Variants in HDDC2 observed in about 807,000 individuals in gnomAD.
The protein encoded by HDDC2 is 5'-deoxynucleotidase HDDC2.
Under a neutral mutation model 25.5 loss-of-function variants are expected in HDDC2, and 25 were observed. The ratio of observed to expected loss-of-function variants is 0.98; its 90% CI spans 0.72 to 1.37. The LOEUF (loss-of-function observed/expected upper bound fraction) is 1.37, where lower values mean the gene tolerates loss of function less well. Among genes scored for constraint, HDDC2 ranks in the 40% most tolerant of loss-of-function variants. The pLI, the probability that HDDC2 is intolerant of heterozygous loss-of-function variation, is 0.00. For missense variants in HDDC2, 264 were observed against 253.1 expected, an observed-to-expected ratio of 1.04 and a Z score of -0.29; for synonymous variants, 106 against 89.7, an observed-to-expected ratio of 1.18 and a Z score of -1.03.
At chr6:125,287,868 GC>G (rs1425650510) in intron 4 of HDDC2, among the ~76,000 whole-genome samples, 1 of 152,214 alleles carries the variant, frequency 6.6e-6, no homozygotes, top group Non-Finnish European at 1.5e-5. Flanking sequence ...AACACCTCAT[GC>G]CGCCACAGTG....
intron 4 of HDDC2, chr6:125,278,640 C>T (rs537943554): frequency 6.6e-6 from 1 of 152,274 alleles, no homozygotes; most frequent in African/African-American, 2.4e-5. Flanking sequence ...TTGCAAGTAG[C>T]TTTTAATGTC....
In HDDC2 at chr6:125,276,078, G is replaced by C. The variant is rs534117496; in HGVS notation, c.*68C>G. The C allele has an allele frequency of 6.2e-5, 74 of 1,190,208 alleles. No individual in the cohort carries two copies. The East Asian group carries it at 1.5e-3, about 24-fold the overall frequency. 73.7% of individuals were successfully genotyped at this position (1,190,208 alleles called of 1,614,324 possible). ...TAGGGAAATCAACAGACCAACAATG[G>C]CAAAACACAATACAATGAAATGGAA... On this transcript the variant is annotated 3_prime_UTR_variant, in exon 6 of 6. Coordinates refer to ENST00000398153, the MANE Select transcript of HDDC2 (RefSeq NM_016063.3).
intron 3 of HDDC2, among the ~76,000 whole-genome samples, chr6:125,294,454 A>G (rs2115115069): frequency 6.6e-6 from 1 of 152,366 alleles, no homozygotes; most frequent in African/African-American, 2.4e-5. Context: ...CTTATGTTGT[A>G]CATGCATTCT....
At chr6:125,288,913 GT>G (rs1441209160) in intron 4 of HDDC2, among the ~76,000 whole-genome samples, 1 of 130,702 alleles carries the variant, frequency 7.7e-6, no homozygotes, top group Non-Finnish European at 1.6e-5. Flanking sequence ...CATTGTGGAA[GT>G]CAGTGTGGCC....
rs368162595 is a variant in HDDC2, at chr6:125,301,292, T to G, written c.84+557A>C. Among the ~76,000 whole-genome samples the G allele has an allele frequency of 2.8e-4, 43 of 152,286 alleles. No homozygotes were observed. The East Asian group carries it at 6.0e-3, about 21-fold the overall frequency. Reference sequence around the variant, plus strand: ...GAAGACGCACATGATGAAACTCGTGTGTATTACATTAAATCCCGTTTGGGG... The same window carrying G: ...GAAGACGCACATGATGAAACTCGTGGGTATTACATTAAATCCCGTTTGGGG... On this transcript the variant is annotated intron_variant, in intron 1 of 5. Transcript: ENST00000398153.
chr6:125,300,876 T>G (rs532711629), intron 1 of HDDC2, among the ~76,000 whole-genome samples: 8 of 149,902 alleles, frequency 5.3e-5, no homozygotes, highest in African/African-American at 1.8e-4. Flanking sequence ...CAGAGAGAGA[T>G]AAGTCACAAA....
At chr6:125,285,328 A>G (rs545856534) in intron 4 of HDDC2, among the ~76,000 whole-genome samples, 2 of 152,256 alleles carry the variant, frequency 1.3e-5, no homozygotes, top group African/African-American at 4.8e-5. Flanking sequence ...AAGAAAAGAA[A>G]ATGATATAAG....
At chr6:125,280,722 G>A (rs887940668) in intron 4 of HDDC2, among the ~76,000 whole-genome samples, 3 of 152,248 alleles carry the variant, frequency 2.0e-5, no homozygotes, top group Non-Finnish European at 2.9e-5. Context: ...CTAATCAGGG[G>A]CTTATAGATA....
At chr6:125,298,527 C>A (rs1046162661) in intron 3 of HDDC2, 187 bp downstream of exon 3, 3 of 602,564 alleles carry the variant, frequency 5.0e-6, no homozygotes, top group Non-Finnish European at 8.9e-6. Flanking sequence ...TCAGATCCAT[C>A]TTAATATTCT....
chr6:125,294,036 AC>A (rs1248713936), intron 3 of HDDC2, among the ~76,000 whole-genome samples: 5 of 152,180 alleles, frequency 3.3e-5, no homozygotes, highest in African/African-American at 1.2e-4. Context: ...TTTATGAGTT[AC>A]TCCAGTATCC....
At position 125,300,673 on chromosome 6, in the gene HDDC2, AG is replaced by A. The variant is rs1734287516; in HGVS notation, c.85-15del. On this transcript the variant is annotated splice_polypyrimidine_tract_variant and intron_variant, in intron 1 of 5. Coordinates refer to ENST00000398153, the MANE Select transcript of HDDC2 (RefSeq NM_016063.3). ...TCGTGGGACTCTCTGATAAATATGA[AG>A]AAGAAAAAGAAGTTTTAAAGAACAA... The A allele has an allele frequency of 6.2e-7, 1 of 1,608,908 alleles. No homozygotes were observed. Among genetic ancestry groups the A allele is most frequent in the Non-Finnish European group, 8.5e-7 (1 of 1,178,362 alleles).
intron 3 of HDDC2, among the ~76,000 whole-genome samples, chr6:125,296,872 C>T (rs1190825688): frequency 1.3e-5 from 2 of 152,192 alleles, no homozygotes; most frequent in African/African-American, 4.8e-5. Flanking sequence ...AGTCGTAGGT[C>T]CTCCTCACTT....
chr6:125,288,549 A>G (rs1798580820), intron 4 of HDDC2, among the ~76,000 whole-genome samples: 1 of 152,202 alleles, frequency 6.6e-6, no homozygotes, highest in Admixed American at 6.5e-5. Context: ...GGAAAGGAAA[A>G]CAGGAAGATT....
At chr6:125,292,817 C>T (rs1176766674) in intron 4 of HDDC2, 24 bp downstream of exon 4, 15 of 1,570,684 alleles carry the variant, frequency 9.5e-6, no homozygotes, top group Non-Finnish European at 1.1e-5. Flanking sequence ...AAATTAAAAA[C>T]AGTAACGTAC....
chr6:125,283,870 CA>C (rs1460846616), intron 4 of HDDC2, among the ~76,000 whole-genome samples: 5 of 152,042 alleles, frequency 3.3e-5, no homozygotes. Context: ...CAATCCTAAC[CA>C]AAAAGAACAA....
At chr6:125,297,608 TC>T (rs34679403) in intron 3 of HDDC2, 74,826 of 402,636 alleles carry the variant, frequency 0.19, 8,036 homozygotes, top group African/African-American at 0.37. Context: ...CTCTTTCTTT[TC>T]CCCCACAAGC....
At chr6:125,289,743 T>C (rs560369689) in intron 4 of HDDC2, among the ~76,000 whole-genome samples, 34 of 152,306 alleles carry the variant, frequency 2.2e-4, no homozygotes, top group African/African-American at 8.2e-4. Flanking sequence ...TTAACCTAAC[T>C]GTATCTCCAA....
At chr6:125,297,432 G>A (rs1798720767) in intron 3 of HDDC2, 1 of 396,076 alleles carries the variant, frequency 2.5e-6, no homozygotes, top group Admixed American at 4.4e-5. Context: ...ACACTTTTGG[G>A]TAGGTTGGAA....
chr6:125,295,291 T>C (rs550940696), intron 3 of HDDC2, among the ~76,000 whole-genome samples: 1 of 152,358 alleles, frequency 6.6e-6, no homozygotes, highest in East Asian at 1.9e-4. Context: ...CCGAGCTGAA[T>C]GAAGCTTTCA....
Sources: gnomAD v4.1 joint callset for allele counts (sites outside exome capture counted in the v4.1 genomes callset) on GRCh38, gnomAD v4.1.1 for gene constraint, MANE v1.5 for transcripts, NCBI Gene and HGNC (gene_info 2026-07-23, HGNC 2026-07-21) for gene names.